RYR1: variants seen among roughly 807,000 people sequenced by gnomAD.
RYR1 encodes the protein central core disease of muscle.
RYR1 carries 342 observed loss-of-function variants against 583.5 expected under a neutral mutation model. The observed-to-expected ratio is 0.59, with a 90% CI of 0.54 to 0.64. The LOEUF (loss-of-function observed/expected upper bound fraction) is 0.64. Ranked by LOEUF, RYR1 falls within the 30% of genes least tolerant of loss-of-function variation. RYR1 has a pLI of 0.00. For synonymous variants in RYR1, 2,791 were observed against 2,822.5 expected (o/e 0.99, Z 0.35); for missense variants, 6,032 against 6,917.2 (o/e 0.87, Z 4.54).
At position 38,433,817 on chromosome 19, in the gene RYR1, C is replaced by G; in HGVS notation, c.-13C>G. ...TCCCCGACCTCAGACCCTGGGCTTC[C>G]GACCTCGACATCATGGGTGACGCAG... On this transcript the variant is annotated 5_prime_UTR_variant, in exon 1 of 106. Transcript: ENST00000359596. 6.4e-7 allele frequency: 1 copy of G among 1,550,450 alleles called. No homozygotes were observed. The highest frequency in any genetic ancestry group is 8.8e-7 in the Non-Finnish European group (1 of 1,139,582).
At chr19:38,522,820 G>A (rs973134643) in intron 67 of RYR1, among the ~76,000 whole-genome samples, 1 of 151,122 alleles carries the variant, frequency 6.6e-6, no homozygotes, top group African/African-American at 2.4e-5. Flanking sequence ...TGTGGTGTCG[G>A]GCCCCTGTAG....
chr19:38,537,824 G>T, intron 83 of RYR1, 56 bp from the exon 84 acceptor site: 14 of 1,492,892 alleles, frequency 9.4e-6, no homozygotes, highest in Non-Finnish European at 1.2e-5. Flanking sequence ...GCATGTGTGC[G>T]CTGTGTCTTG....
At chr19:38,519,910 C>T (rs917466166) in intron 67 of RYR1, among the ~76,000 whole-genome samples, 1 of 151,908 alleles carries the variant, frequency 6.6e-6, no homozygotes, top group Admixed American at 6.6e-5. Context: ...AACTCTTGAC[C>T]TCATGATTTG....
intron 76 of RYR1, among the ~76,000 whole-genome samples, 167 bp from the exon 77 acceptor site, chr19:38,532,323 A>G (rs548456965): frequency 1.7e-3 from 257 of 152,064 alleles, no homozygotes; most frequent in Non-Finnish European, 3.0e-3. Flanking sequence ...GGGTTTCACC[A>G]TGTTGGCTAG....
chr19:38,528,797 G>C, intron 75 of RYR1, 102 bp downstream of exon 75: 3 of 1,439,218 alleles, frequency 2.1e-6, no homozygotes, highest in Non-Finnish European at 2.9e-6. Flanking sequence ...CACATCAAGG[G>C]GTATAGAAAT....
intron 82 of RYR1, 65 bp downstream of exon 82, chr19:38,536,135 C>T (rs974803324): frequency 6.5e-6 from 9 of 1,380,632 alleles, no homozygotes; most frequent in East Asian, 2.5e-5. Flanking sequence ...TCCCACCCCA[C>T]CCCCACCCGC....
rs1046822007 is a variant in RYR1, at chr19:38,512,181, C to T, written c.9233+49C>T. 2 of 1,613,994 alleles carry T rather than the reference C, an allele frequency of 1.2e-6. No homozygotes were observed. Among genetic ancestry groups the T allele is most frequent in the Admixed American group, 1.7e-5 (1 of 60,022 alleles). On this transcript the variant is annotated intron_variant, in intron 62 of 105. Transcript: ENST00000359596. The surrounding 1 kb of genome is among the most constrained non-coding windows in gnomAD (Gnocchi z 5.1). ...CACTCCCACCATCATCGGGCCCCCACCCCAACCCCTGGTCTCCTAGACTCT... is the reference window on the plus strand; with the variant it reads ...CACTCCCACCATCATCGGGCCCCCATCCCAACCCCTGGTCTCCTAGACTCT...
intron 34 of RYR1, among the ~76,000 whole-genome samples, chr19:38,487,999 T>A (rs1383243744): frequency 1.3e-5 from 2 of 152,154 alleles, no homozygotes; most frequent in Non-Finnish European, 2.9e-5. Flanking sequence ...ATGCCCAGGC[T>A]AGAATGCAGT....
chr19:38,519,321 G>T lies in RYR1; in HGVS notation c.10126G>T (p.Glu3376Ter). ...RKRAGKVVSE[E>*]EQLRLEAKAE... is the part of the protein sequence containing the mutation. ...GAGGGCAGGGAAGGTGGTGTCCGAG[G>T]AGGAGCAGCTGCGCCTGGAGGCCAA... is the stretch of plus-strand genomic sequence containing the variant. Residue 3376 changes from glutamate to a stop codon, truncating the protein, a stop_gained, in exon 67 of 106, where the codon GAG (glutamate) becomes TAG (stop). Coordinates refer to ENST00000359596, the MANE Select transcript of RYR1 (RefSeq NM_000540.3). LOFTEE classifies it high-confidence loss of function. 1 of 1,613,874 alleles carries T rather than the reference G, an allele frequency of 6.2e-7. No homozygotes were observed. Among genetic ancestry groups the T allele is most frequent in the Admixed American group, 1.7e-5 (1 of 60,006 alleles).
intron 61 of RYR1, 78 bp downstream of exon 61, chr19:38,511,688 C>A: frequency 6.6e-7 from 1 of 1,514,306 alleles, no homozygotes. Flanking sequence ...CCAGGTTCTG[C>A]CTTAATTTGA....
chr19:38,483,588 G>A lies in RYR1; in HGVS notation c.4934+72G>A. 1 of 1,350,150 alleles carries A rather than the reference G, an allele frequency of 7.4e-7. No individual in the cohort carries two copies. The highest frequency in any genetic ancestry group is 1.3e-5 in the South Asian group (1 of 79,886). 83.6% of individuals were successfully genotyped at this position (1,350,150 alleles called of 1,614,324 possible). On this transcript the variant is annotated intron_variant, in intron 33 of 105. Transcript: ENST00000359596. The surrounding 1 kb of genome is among the most constrained non-coding windows in gnomAD (Gnocchi z 6.3). ...CTCTGGGGTCTGGGTCCCACTCAGT[G>A]CCCCTCCTCAACACAACCCCGGGAT...
intron 64 of RYR1, 69 bp downstream of exon 64, chr19:38,515,176 G>A: frequency 7.2e-6 from 8 of 1,104,024 alleles, no homozygotes; most frequent in Non-Finnish European, 9.7e-6. Context: ...AGGGGAAGAA[G>A]ATGGGGTGGG....
At chr19:38,451,206 C>T (rs1015939627) in intron 11 of RYR1, among the ~76,000 whole-genome samples, 3 of 152,208 alleles carry the variant, frequency 2.0e-5, no homozygotes, top group Non-Finnish European at 4.4e-5. Context: ...GGCGTAGAGA[C>T]GGGGCCTGGG....
intron 36 of RYR1, 79 bp downstream of exon 36, chr19:38,490,355 C>A (rs1226946307): frequency 1.5e-6 from 2 of 1,376,204 alleles, no homozygotes; most frequent in Non-Finnish European, 2.0e-6. Flanking sequence ...TCACTGAGGA[C>A]CCTCAACCTC....
rs748936965 is a variant in RYR1 at position 38,452,864 on chromosome 19, C to T, written c.1290C>T (p.Pro430=). The T allele has an allele frequency of 1.9e-5, 31 of 1,608,870 alleles. No homozygotes were observed. Among genetic ancestry groups the T allele is most frequent in the Non-Finnish European group, 2.4e-5 (28 of 1,177,752 alleles). ...GGAAGCCACGGGGCTCGGGGCCACCCGCTGGCACGGCGCTGCCCATCGAGG... is the reference window on the plus strand; with the variant it reads ...GGAAGCCACGGGGCTCGGGGCCACCTGCTGGCACGGCGCTGCCCATCGAGG... ...FSGKPRGSGP[P]AGTALPIEGV... The change falls in exon 13 of 106, where the codon CCC becomes CCT. Residue 430 remains proline, a synonymous_variant. Coordinates refer to ENST00000359596, the MANE Select transcript of RYR1 (RefSeq NM_000540.3).
rs966321446 is a variant in RYR1, at chr19:38,517,404, C to T, written c.9731C>T (p.Pro3244Leu). The T allele has an allele frequency of 1.3e-5, 21 of 1,613,926 alleles. No homozygotes were observed. Among genetic ancestry groups the T allele is most frequent in the Middle Eastern group, 3.3e-4 (2 of 6,076 alleles). ...NSVEEMCPDI[P>L]VLERLMADIG... The stretch of plus-strand genomic sequence containing the variant: ...GTGGAGGAGATGTGTCCCGACATCC[C>T]GGTGCTGGAGCGGCTCATGGCAGAC... The change falls in exon 66 of 106, where the codon CCG (proline) becomes CTG (leucine). Residue 3244 changes from proline (P) to leucine (L), a missense_variant. Around this residue, in one of 11 missense-constraint regions of RYR1, gnomAD observed 1,493 missense variants for 1,715.5 expected, o/e 0.87. Transcript: ENST00000359596.
Position 38,444,744 on chromosome 19 carries a change from G to A in RYR1, c.631+67G>A. 1 of 1,249,294 alleles carries A rather than the reference G, an allele frequency of 8.0e-7. No individual in the cohort carries two copies. The allele number at this position is 1,249,294 out of a possible 1,614,324, so 77.4% of individuals were successfully genotyped here. On this transcript the variant is annotated intron_variant, in intron 7 of 105. Transcript: ENST00000359596. This position sits in a 1 kb window ranked among gnomAD's most constrained non-coding sequence, Gnocchi z 5.1. ...AACAGACCCTTAATGTTGCCCTTCA[G>A]GCATACCCAAATGGAGCCTTGGAAC...
intron 69 of RYR1, 42 bp downstream of exon 69, chr19:38,523,351 G>A (rs777631688): frequency 2.4e-5 from 38 of 1,611,206 alleles, no homozygotes; most frequent in Middle Eastern, 3.3e-4. Flanking sequence ...CAGAGAGGGC[G>A]GGAGCACCCT....
chr19:38,448,050 G>T (rs1305584792), intron 9 of RYR1, among the ~76,000 whole-genome samples: 1 of 151,792 alleles, frequency 6.6e-6, no homozygotes, highest in African/African-American at 2.4e-5. Context: ...GAGGATTGGG[G>T]TTCCTAAGGG....
Sources: allele counts gnomAD v4.1 joint callset (sites outside exome capture counted in the v4.1 genomes callset), GRCh38; gene constraint gnomAD v4.1.1; regional missense constraint gnomAD v4.1.1; non-coding constraint Gnocchi (gnomAD v3.1); transcripts MANE v1.5; gene names NCBI Gene and HGNC (gene_info 2026-07-23, HGNC 2026-07-21).